The following PLAC1 variants were observed in gnomAD, a reference collection of about 807,000 sequenced individuals.
The protein encoded by PLAC1 is placenta-specific protein 1.
For synonymous variants in PLAC1, 68 were observed against 62.1 expected (o/e 1.09, Z -0.44); for missense variants, 136 against 163.2 (o/e 0.83, Z 0.91).
chrX:134,708,061 C>G (rs2078612672), intron 2 of PLAC1, among the ~76,000 whole-genome samples: 1 of 111,508 alleles, frequency 9.0e-6, no homozygotes, highest in Non-Finnish European at 1.9e-5. Flanking sequence ...AAAATGAAAA[C>G]AGAGAAATAA....
intron 1 of PLAC1, among the ~76,000 whole-genome samples, chrX:134,756,720 G>A (rs1300542870): frequency 1.8e-5 from 2 of 109,424 alleles, no homozygotes; most frequent in African/African-American, 3.3e-5. Flanking sequence ...GTGGTGGCGG[G>A]TGCCTGTAGT....
In PLAC1 at chrX:134,631,171, G is replaced by A. The variant is rs949963873; in HGVS notation, c.-131+27157C>T. Among the ~76,000 whole-genome samples, 6 of 112,676 alleles carry A rather than the reference G, an allele frequency of 5.3e-5. No individual in the cohort carries two copies. The East Asian group carries it at 1.7e-3, about 31-fold the overall frequency. On this transcript the variant is annotated intron_variant, in intron 1 of 2. Coordinates refer to ENST00000359237, the MANE Select transcript of PLAC1 (RefSeq NM_021796.4). Reference sequence around the variant, plus strand: ...GTCATGATGGTATAATATTGTGAACGTACGAAATGCCACTGAATTATGCAC... The same window carrying A: ...GTCATGATGGTATAATATTGTGAACATACGAAATGCCACTGAATTATGCAC...
chrX:134,762,663 A>C (rs2078772586), intron 1 of PLAC1, among the ~76,000 whole-genome samples: 1 of 108,529 alleles, frequency 9.2e-6, no homozygotes, highest in Non-Finnish European at 1.9e-5. Context: ...CCCCGTCTCT[A>C]CTAAAAATAC....
intron 2 of PLAC1, among the ~76,000 whole-genome samples, chrX:134,732,533 C>G (rs1417629102): frequency 9.0e-6 from 1 of 110,775 alleles, no homozygotes; most frequent in East Asian, 2.8e-4. Flanking sequence ...GATGCTTACC[C>G]CATTTTTTAA....
intron 2 of PLAC1, among the ~76,000 whole-genome samples, chrX:134,680,705 C>A (rs184051419): frequency 8.9e-6 from 1 of 111,975 alleles, no homozygotes; most frequent in Non-Finnish European, 1.9e-5. Flanking sequence ...GTGGTGCATT[C>A]GCTGCAATTC....
At chrX:134,693,790 G>T (rs1045185346) in intron 2 of PLAC1, among the ~76,000 whole-genome samples, 1 of 111,826 alleles carries the variant, frequency 8.9e-6, no homozygotes, top group African/African-American at 3.3e-5. Context: ...GTTAAATTGA[G>T]TTGAGAGACG....
intron 2 of PLAC1, among the ~76,000 whole-genome samples, chrX:134,728,341 C>T (rs946451851): frequency 3.6e-5 from 4 of 112,120 alleles, no homozygotes; most frequent in Non-Finnish European, 7.5e-5. Flanking sequence ...CTAGATACAT[C>T]GTAATCAAAC....
At chrX:134,670,302 T>A (rs777006902) in intron 2 of PLAC1, among the ~76,000 whole-genome samples, 2 of 110,974 alleles carry the variant, frequency 1.8e-5, no homozygotes, top group South Asian at 3.9e-4. Context: ...CCCAACTGCC[T>A]CATGCCTGAG....
chrX:134,726,667 C>T (rs1248117790), intron 2 of PLAC1, among the ~76,000 whole-genome samples: 2 of 108,921 alleles, frequency 1.8e-5, no homozygotes, highest in Non-Finnish European at 3.8e-5. Flanking sequence ...TACTAAAATA[C>T]AGAAAATTAT....
At chrX:134,758,612 C>T (rs1333466987) in intron 1 of PLAC1, among the ~76,000 whole-genome samples, 1 of 111,750 alleles carries the variant, frequency 8.9e-6, no homozygotes, top group Non-Finnish European at 1.9e-5. Context: ...TGAAATTGGA[C>T]CCCTATCTCT....
chrX:134,666,222 T>C (rs897894896), intron 2 of PLAC1, among the ~76,000 whole-genome samples: 2 of 111,025 alleles, frequency 1.8e-5, no homozygotes, highest in Non-Finnish European at 3.8e-5. Flanking sequence ...GTCAGGATCG[T>C]CAGTTGCTAG....
At chrX:134,615,665 T>C (rs1465351897) in intron 1 of PLAC1, among the ~76,000 whole-genome samples, 1 of 112,073 alleles carries the variant, frequency 8.9e-6, no homozygotes, top group Non-Finnish European at 1.9e-5. Context: ...CCAAAGCTAA[T>C]GTCAAGGCGC....
At chrX:134,728,106 C>T (rs1409902680) in intron 2 of PLAC1, among the ~76,000 whole-genome samples, 2 of 111,391 alleles carry the variant, frequency 1.8e-5, no homozygotes, top group African/African-American at 3.3e-5. Flanking sequence ...GAAAGAAAAA[C>T]GAATGAAGAA....
chrX:134,594,508 A>G (rs776577435), intron 2 of PLAC1, among the ~76,000 whole-genome samples: 1 of 111,779 alleles, frequency 8.9e-6, no homozygotes, highest in South Asian at 3.7e-4. Flanking sequence ...CAGTGAAACC[A>G]TCTGAGCCTA....
Position 134,680,545 on chromosome X carries a change from GAACTAAACTAAACTA to G in PLAC1, n.174+52875_174+52889del, listed in dbSNP as rs560733130. Among the ~76,000 whole-genome samples the G allele has an allele frequency of 2.3e-3, 116 of 49,705 alleles. 1 individual carries two copies. Among genetic ancestry groups the G allele is most frequent in the Middle Eastern group, 0.012 (1 of 83 alleles). The allele number at this position is 49,705 out of a possible 115,157, so 43.2% of individuals were successfully genotyped here. A position where few individuals can be genotyped will look rare whatever the true frequency, so the allele number is the denominator to read the frequency against. ...AAACTAAACTGAACTAAACTAAACTGAACTAAACTAAACTAAACTAAACTAAACTAAACTAAACTA... is the reference window on the plus strand; with the variant it reads ...AAACTAAACTGAACTAAACTAAACTGAACTAAACTAAACTAAACTAAACTA... On this transcript the variant is annotated intron_variant and non_coding_transcript_variant, in intron 2 of 2. Coordinates refer to the PLAC1 transcript ENST00000466797.
chrX:134,612,585 TG>T lies in PLAC1; in HGVS notation c.-130-10464del, dbSNP rs766258753. Among the ~76,000 whole-genome samples, 12 of 111,947 alleles carry T rather than the reference TG, an allele frequency of 1.1e-4. No individual in the cohort carries two copies. The South Asian group carries it at 4.5e-3, about 42-fold the overall frequency. On this transcript the variant is annotated intron_variant, in intron 1 of 2. Transcript: ENST00000359237. ...GGGCTCCCAAACACAATTGTGCAGATGTTTGTATATAAGGAAATATATCTAT... is the reference window on the plus strand; with the variant it reads ...GGGCTCCCAAACACAATTGTGCAGATTTTGTATATAAGGAAATATATCTAT...
intron 2 of PLAC1, among the ~76,000 whole-genome samples, chrX:134,588,294 A>ATTTATTTAT (rs2078016368): frequency 2.3e-5 from 1 of 44,261 alleles, no homozygotes; most frequent in African/African-American, 1.5e-4. Context: ...TCTTTATTTT[A>ATTTATTTAT]TTTATTTATT....
chrX:134,708,165 T>C (rs998417477), intron 2 of PLAC1, among the ~76,000 whole-genome samples: 2 of 111,831 alleles, frequency 1.8e-5, no homozygotes, highest in African/African-American at 6.5e-5. Flanking sequence ...GGTACATCCA[T>C]ACCAGGAAAG....
chrX:134,754,758 C>CTTTTTT (rs760098539), intron 1 of PLAC1, among the ~76,000 whole-genome samples: 10 of 66,152 alleles, frequency 1.5e-4, no homozygotes, highest in African/African-American at 2.4e-4. Flanking sequence ...ATTTATTGTT[C>CTTTTTT]TTTTTTTTTT....
Sources: allele counts gnomAD v4.1 joint callset (sites outside exome capture counted in the v4.1 genomes callset), GRCh38; gene constraint gnomAD v4.1.1; transcripts MANE v1.5; gene names NCBI Gene and HGNC (gene_info 2026-07-23, HGNC 2026-07-21).